The following SPEN variants were observed in gnomAD, a reference collection of about 807,000 sequenced individuals.
SPEN encodes spen family transcriptional repressor, also known as msx2-interacting protein.
A neutral mutation model predicts 269.9 loss-of-function variants in SPEN; 18 were observed. The ratio of observed to expected loss-of-function variants is 0.07; its 90% CI spans 0.05 to 0.10. The LOEUF (loss-of-function observed/expected upper bound fraction) is 0.10, where lower values mean the gene tolerates loss of function less well. Among genes scored for constraint, SPEN ranks in the 10% least tolerant of loss-of-function variants. The pLI is 1.00. For synonymous variants in SPEN, 1,726 were observed against 1,765.7 expected (o/e 0.98, Z 0.56); for missense variants, 3,822 against 4,631.2 (o/e 0.83, Z 5.07).
Position 15,933,979 on chromosome 1 carries a change from A to T in SPEN, c.7739A>T (p.Lys2580Met). 1 of 1,614,076 alleles carries T rather than the reference A, an allele frequency of 6.2e-7. No homozygotes were observed. Among genetic ancestry groups the T allele is most frequent in the Non-Finnish European group, 8.5e-7 (1 of 1,179,966 alleles). Residue 2580 changes from lysine (K) to methionine (M), a missense_variant, in exon 11 of 15, where the codon AAG (lysine) becomes ATG (methionine). Around this residue, in one of 16 missense-constraint regions of SPEN, gnomAD observed 727 missense variants for 737.9 expected, o/e 0.99. Transcript: ENST00000375759. The surrounding 1 kb of genome is among the most constrained non-coding windows in gnomAD (Gnocchi z 5.7). ...EAPPPPVDSK[K>M]PLEEKTAPPV... ...CCGCCCCCGCCAGTTGACTCTAAAA[A>T]GCCTTTAGAAGAAAAAACAGCACCT...
rs2071230322 is a variant in SPEN at position 15,932,340 on chromosome 1, G to A, written c.6100G>A (p.Glu2034Lys). 2 of 1,613,850 alleles carry A rather than the reference G, an allele frequency of 1.2e-6. No individual in the cohort carries two copies. The highest frequency in any genetic ancestry group is 1.7e-6 in the Non-Finnish European group (2 of 1,179,956). ...GAGCTCCATGGAACCCAAGGCTGCT[G>A]AGGAGGAGGCAGGGAGTGAACAGAA... ...KESSMEPKAA[E>K]EEAGSEQKRD... is the part of the protein sequence containing the mutation. Residue 2034 changes from glutamate (E) to lysine (K), a missense_variant, in exon 11 of 15, where the codon GAG becomes AAG. Physicochemically the swap from Glu to Lys is moderately conservative, Grantham distance 56. Around this residue, in one of 16 missense-constraint regions of SPEN, gnomAD observed 727 missense variants for 737.9 expected, o/e 0.99. Transcript: ENST00000375759. This position sits in a 1 kb window ranked among gnomAD's most constrained non-coding sequence, Gnocchi z 4.2.
chr1:15,892,837 G>A (rs1036370384), intron 3 of SPEN, among the ~76,000 whole-genome samples: 10 of 152,074 alleles, frequency 6.6e-5, no homozygotes, highest in African/African-American at 1.9e-4. Context: ...GGTGGCTCAC[G>A]TCTGTAATCC....
intron 9 of SPEN, 30 bp from the exon 10 acceptor site, chr1:15,922,219 T>C (rs1478245853): frequency 6.0e-6 from 9 of 1,493,240 alleles, no homozygotes; most frequent in Non-Finnish European, 8.3e-6. Flanking sequence ...ATTTGAAACT[T>C]GCATCAAACA....
Position 15,934,861 on chromosome 1 carries a change from C to T in SPEN, c.8621C>T (p.Pro2874Leu). The part of the protein sequence containing the change: ...SQPPSKGPQA[P>L]AGYANVATHS... ...CCTCCATCCAAAGGCCCTCAAGCTC[C>T]TGCAGGCTATGCGAACGTGGCCACC... Residue 2874 changes from proline (P) to leucine (L), a missense_variant, in exon 11 of 15, where the codon CCT (proline) becomes CTT (leucine). Coordinates refer to ENST00000375759, the MANE Select transcript of SPEN (RefSeq NM_015001.3). The surrounding 1 kb of genome is among the most constrained non-coding windows in gnomAD (Gnocchi z 9.2). 1 of 1,614,196 alleles carries T rather than the reference C, an allele frequency of 6.2e-7. No homozygotes were observed. Among genetic ancestry groups the T allele is most frequent in the Non-Finnish European group, 8.5e-7 (1 of 1,180,028 alleles).
intron 1 of SPEN, among the ~76,000 whole-genome samples, chr1:15,867,406 C>A (rs1227325943): frequency 6.6e-6 from 1 of 152,168 alleles, no homozygotes; most frequent in Non-Finnish European, 1.5e-5. Context: ...CCATGTTGCG[C>A]AGGCTGGTCT....
At chr1:15,917,392 C>G (rs1255044860) in intron 6 of SPEN, among the ~76,000 whole-genome samples, 1 of 151,946 alleles carries the variant, frequency 6.6e-6, no homozygotes, top group Non-Finnish European at 1.5e-5. Flanking sequence ...TTGGGATATA[C>G]TATTATTATT....
At chr1:15,871,957 G>A (rs1372306054) in intron 1 of SPEN, among the ~76,000 whole-genome samples, 2 of 151,912 alleles carry the variant, frequency 1.3e-5, no homozygotes, top group Non-Finnish European at 2.9e-5. Flanking sequence ...TTTCAAGGCC[G>A]GGTGCTGTGG....
chr1:15,872,996 T>C lies in SPEN; in HGVS notation c.264T>C (p.Ala88=), dbSNP rs2070596689. The change falls in exon 2 of 15, where the codon GCT becomes GCC. Residue 88 remains alanine, a synonymous_variant. Coordinates refer to ENST00000375759, the MANE Select transcript of SPEN (RefSeq NM_015001.3). ...AACCAGGCACCATCCCGAGTGCTGC[T>C]CGGGGATTGGATGATACAGTTTCCA... is the stretch of plus-strand genomic sequence containing the variant. The part of the protein sequence containing the change: ...YNEPGTIPSA[A]RGLDDTVSIA... 2 of 1,614,000 alleles carry C rather than the reference T, an allele frequency of 1.2e-6. No homozygotes were observed. Among genetic ancestry groups the C allele is most frequent in the African/African-American group, 2.7e-5 (2 of 74,902 alleles).
chr1:15,927,390 C>T (rs2071178943), intron 10 of SPEN, among the ~76,000 whole-genome samples: 1 of 152,196 alleles, frequency 6.6e-6, no homozygotes, highest in African/African-American at 2.4e-5. Flanking sequence ...TGAGGAAAAG[C>T]TGCCATTTTA....
At position 15,933,409 on chromosome 1, in the gene SPEN, C is replaced by G; in HGVS notation, c.7169C>G (p.Pro2390Arg). The change falls in exon 11 of 15, where the codon CCC (proline) becomes CGC (arginine). Residue 2390 changes from proline to arginine, a missense_variant. By Grantham distance (103) the Pro-to-Arg change is moderately radical. Transcript: ENST00000375759. This position sits in a 1 kb window ranked among gnomAD's most constrained non-coding sequence, Gnocchi z 5.7. Reference protein sequence around the residue: ...APQEEKQSEKPHSTPPQSCTS... With the variant: ...APQEEKQSEKRHSTPPQSCTS... The stretch of plus-strand genomic sequence containing the variant: ...CAGGAAGAAAAGCAGAGTGAGAAAC[C>G]CCATTCCACTCCTCCTCAGTCATGT... The G allele has an allele frequency of 6.2e-7, 1 of 1,614,094 alleles. No individual in the cohort carries two copies. Among genetic ancestry groups the G allele is most frequent in the Non-Finnish European group, 8.5e-7 (1 of 1,180,012 alleles).
intron 3 of SPEN, among the ~76,000 whole-genome samples, chr1:15,898,933 C>A (rs961179771): frequency 6.6e-6 from 1 of 152,016 alleles, no homozygotes; most frequent in South Asian, 2.1e-4. Flanking sequence ...TTGACTCACT[C>A]ATCTGTCGAT....
At chr1:15,906,196 C>T (rs1293510887) in intron 3 of SPEN, among the ~76,000 whole-genome samples, 2 of 152,164 alleles carry the variant, frequency 1.3e-5, no homozygotes, top group East Asian at 3.9e-4. Flanking sequence ...ATGACAATAT[C>T]GTATTCAGGA....
At chr1:15,850,791 A>G (rs952836097) in intron 1 of SPEN, among the ~76,000 whole-genome samples, 1 of 152,214 alleles carries the variant, frequency 6.6e-6, no homozygotes, top group African/African-American at 2.4e-5. Context: ...TGGCTCTGCA[A>G]GAAAATGAAA....
chr1:15,920,861 G>C lies in SPEN; in HGVS notation c.1636-9G>C. ...GCTCTTACTTGTTTTTTGTTTGTTT[G>C]TTTTACAGGTGGTGTTTGACCGCTT... On this transcript the variant is annotated splice_polypyrimidine_tract_variant and intron_variant, in intron 8 of 14. Transcript: ENST00000375759. 5 of 1,564,696 alleles carry C rather than the reference G, an allele frequency of 3.2e-6. No homozygotes were observed. The highest frequency in any genetic ancestry group is 4.3e-6 in the Non-Finnish European group (5 of 1,150,234).
Position 15,876,083 on chromosome 1 carries a change from T to C in SPEN, c.405-119T>C, listed in dbSNP as rs935195561. ...GTTTGCTTATTAAGTAGGTTAATGC[T>C]GTTTAGAAAATGACCAGTTGCAAAG... On this transcript the variant is annotated intron_variant, in intron 2 of 14. Transcript: ENST00000375759. 4.1e-6 allele frequency: 3 copies of C among 731,648 alleles called. No individual in the cohort carries two copies. The African/African-American group carries it at 5.3e-5, about 13-fold the overall frequency. 45.3% of individuals were successfully genotyped at this position (731,648 alleles called of 1,614,324 possible). A position where few individuals can be genotyped will look rare whatever the true frequency, so the allele number is the denominator to read the frequency against.
chr1:15,851,002 T>C (rs2070330326), intron 1 of SPEN, among the ~76,000 whole-genome samples: 2 of 152,198 alleles, frequency 1.3e-5, no homozygotes, highest in South Asian at 4.1e-4. Context: ...TAACAGTGAT[T>C]AGGCTTTTGT....
intron 10 of SPEN, among the ~76,000 whole-genome samples, chr1:15,923,541 A>G (rs947176823): frequency 3.9e-5 from 6 of 152,254 alleles, no homozygotes; most frequent in South Asian, 2.1e-4. Flanking sequence ...TTGTGCTGCC[A>G]CAAGCCCTGT....
Position 15,931,458 on chromosome 1 carries a change from G to A in SPEN, c.5218G>A (p.Ala1740Thr), listed in dbSNP as rs1341345754. 2 of 1,614,060 alleles carry A rather than the reference G, an allele frequency of 1.2e-6. No individual in the cohort carries two copies. Among genetic ancestry groups the A allele is most frequent in the South Asian group, 2.2e-5 (2 of 91,082 alleles). Residue 1740 changes from alanine to threonine, a missense_variant, in exon 11 of 15, where the codon GCC becomes ACC. Transcript: ENST00000375759. The surrounding 1 kb of genome is among the most constrained non-coding windows in gnomAD (Gnocchi z 4.8). ...YLDAKPPTPG[A>T]SFSQAESNVD... ...GGATGCCAAGCCTCCAACTCCCGGG[G>A]CCTCGTTTTCCCAGGCAGAGAGCAA...
intron 3 of SPEN, among the ~76,000 whole-genome samples, chr1:15,905,797 T>C (rs1310370192): frequency 6.6e-6 from 1 of 151,804 alleles, no homozygotes; most frequent in Admixed American, 6.6e-5. Flanking sequence ...ATGGTCTTGA[T>C]CTCTTGACCT....
Sources: allele counts gnomAD v4.1 joint callset (sites outside exome capture counted in the v4.1 genomes callset), GRCh38; gene constraint gnomAD v4.1.1; regional missense constraint gnomAD v4.1.1; non-coding constraint Gnocchi (gnomAD v3.1); transcripts MANE v1.5; gene names NCBI Gene and HGNC (gene_info 2026-07-23, HGNC 2026-07-21).